Variants in EPB41L4B observed in about 807,000 individuals in gnomAD.
The protein encoded by EPB41L4B is band 4.1-like protein 4B.
Under a neutral mutation model 112.5 loss-of-function variants are expected in EPB41L4B, and 30 were observed. That is an observed-to-expected ratio of 0.27 (90% CI 0.20 to 0.36). The LOEUF (loss-of-function observed/expected upper bound fraction) is 0.36, where lower values mean the gene tolerates loss of function less well. EPB41L4B is among the 10% of genes least tolerant of loss of function. EPB41L4B has a pLI of 1.00. For synonymous variants in EPB41L4B, 408 were observed against 439.7 expected (o/e 0.93, Z 0.90); for missense variants, 1,024 against 1,133.3 (o/e 0.90, Z 1.38).
At chr9:109,178,385 C>T (rs10979732) in intron 24 of EPB41L4B, among the ~76,000 whole-genome samples, 48,365 of 143,388 alleles carry the variant, frequency 0.34, 7,984 homozygotes, top group East Asian at 0.49. Flanking sequence ...GCAGTATCTT[C>T]TTTTTTTTTT....
chr9:109,201,580 C>T (rs1316407984), intron 19 of EPB41L4B, among the ~76,000 whole-genome samples: 1 of 152,108 alleles, frequency 6.6e-6, no homozygotes, highest in Admixed American at 6.5e-5. Flanking sequence ...GGAACATGGT[C>T]CCTGAAGAAC....
intron 2 of EPB41L4B, among the ~76,000 whole-genome samples, chr9:109,276,316 G>A (rs1000611002): frequency 1.3e-5 from 2 of 151,620 alleles, no homozygotes; most frequent in East Asian, 1.9e-4. Flanking sequence ...GGTGAGGGGG[G>A]GGTCATCTGA....
chr9:109,246,854 T>C (rs1041176062), intron 14 of EPB41L4B, among the ~76,000 whole-genome samples: 1 of 152,240 alleles, frequency 6.6e-6, no homozygotes, highest in Non-Finnish European at 1.5e-5. Flanking sequence ...GCAATGGGCC[T>C]AGCACATCAC....
At chr9:109,319,714 A>G (rs4978793) in intron 1 of EPB41L4B, among the ~76,000 whole-genome samples, 87,966 of 152,108 alleles carry the variant, frequency 0.58, 27,303 homozygotes, top group African/African-American at 0.81. Context: ...TGGACACCCC[A>G]GGACGGCCTC....
At chr9:109,281,579 T>C (rs1393882935) in intron 1 of EPB41L4B, among the ~76,000 whole-genome samples, 1 of 152,092 alleles carries the variant, frequency 6.6e-6, no homozygotes, top group African/African-American at 2.4e-5. Flanking sequence ...GATGGGCACC[T>C]GTAATCCCGC....
chr9:109,255,721 A>C, intron 10 of EPB41L4B, 41 bp from the exon 11 acceptor site: 1 of 1,610,252 alleles, frequency 6.2e-7, no homozygotes, highest in Non-Finnish European at 8.5e-7. Flanking sequence ...GGCGTTTGCA[A>C]CCCCAACACA....
At chr9:109,223,955 G>T (rs192570343) in intron 15 of EPB41L4B, among the ~76,000 whole-genome samples, 4 of 152,176 alleles carry the variant, frequency 2.6e-5, no homozygotes, top group East Asian at 1.9e-4. Flanking sequence ...GGAAGTGAAG[G>T]TTGCAGTGAG....
intron 15 of EPB41L4B, among the ~76,000 whole-genome samples, chr9:109,219,528 T>G (rs2118848570): frequency 6.6e-6 from 1 of 152,280 alleles, no homozygotes; most frequent in South Asian, 2.1e-4. Context: ...TCCTGGCTAT[T>G]GGTTTGTATT....
At chr9:109,251,710 T>G (rs1834794697) in intron 12 of EPB41L4B, among the ~76,000 whole-genome samples, 199 bp from the exon 13 acceptor site, 1 of 152,094 alleles carries the variant, frequency 6.6e-6, no homozygotes, top group Admixed American at 6.5e-5. Context: ...TCAGCAACCA[T>G]CCACTCAGCA....
At chr9:109,186,735 G>A (rs369509941) in intron 22 of EPB41L4B, among the ~76,000 whole-genome samples, 17 of 152,188 alleles carry the variant, frequency 1.1e-4, no homozygotes, top group East Asian at 5.8e-4. Flanking sequence ...CCACCTCCTC[G>A]GCCTCCCAAA....
At chr9:109,236,577 G>A (rs941944693) in intron 15 of EPB41L4B, among the ~76,000 whole-genome samples, 4 of 152,160 alleles carry the variant, frequency 2.6e-5, no homozygotes, top group African/African-American at 9.7e-5. Context: ...GCAGGATCTT[G>A]GGTCTTACCA....
chr9:109,248,582 G>A (rs1415297486), intron 13 of EPB41L4B, among the ~76,000 whole-genome samples: 1 of 152,114 alleles, frequency 6.6e-6, no homozygotes, highest in Non-Finnish European at 1.5e-5. Flanking sequence ...AAGGCTCAGG[G>A]CTCCTCATCA....
intron 17 of EPB41L4B, among the ~76,000 whole-genome samples, chr9:109,209,294 T>A (rs558005432): frequency 2.0e-5 from 3 of 152,146 alleles, no homozygotes; most frequent in South Asian, 4.2e-4. Flanking sequence ...AACTTTCCAA[T>A]TTTATGTAAT....
At chr9:109,307,862 G>A (rs982947722) in intron 1 of EPB41L4B, among the ~76,000 whole-genome samples, 6 of 152,104 alleles carry the variant, frequency 3.9e-5, no homozygotes, top group East Asian at 1.9e-4. Context: ...AAAGAGGCTC[G>A]CTGGATGTCG....
At chr9:109,251,106 C>A (rs1384757922) in intron 13 of EPB41L4B, among the ~76,000 whole-genome samples, 1 of 152,228 alleles carries the variant, frequency 6.6e-6, no homozygotes, top group Non-Finnish European at 1.5e-5. Context: ...CGTCACTGAG[C>A]AAATCTAGCA....
At chr9:109,240,773 G>A in intron 15 of EPB41L4B, 1 of 985,418 alleles carries the variant, frequency 1.0e-6, no homozygotes, top group South Asian at 4.7e-5. Context: ...TTTTAAGAGT[G>A]AAGTCTAGGG....
intron 18 of EPB41L4B, among the ~76,000 whole-genome samples, chr9:109,204,214 C>T (rs1364109550): frequency 6.6e-6 from 1 of 152,210 alleles, no homozygotes; most frequent in African/African-American, 2.4e-5. Flanking sequence ...CCTTGTCCTC[C>T]TCCCTCTGAT....
chr9:109,226,619 TATATATATATGAAGA>T (rs1350439716), intron 15 of EPB41L4B, among the ~76,000 whole-genome samples: 14 of 105,748 alleles, frequency 1.3e-4, no homozygotes, highest in African/African-American at 5.1e-4. Flanking sequence ...TATATATATA[TATATATATATGAAGA>T]ATATATATAT....
chr9:109,242,353 G>GACAGC (rs1652451419), intron 15 of EPB41L4B, among the ~76,000 whole-genome samples: 2 of 152,346 alleles, frequency 1.3e-5, no homozygotes, highest in East Asian at 3.9e-4. Context: ...CCACCCCAGA[G>GACAGC]AGGCACTGTT....
Sources: allele counts gnomAD v4.1 joint callset (sites outside exome capture counted in the v4.1 genomes callset), GRCh38; gene constraint gnomAD v4.1.1; transcripts MANE v1.5; gene names NCBI Gene and HGNC (gene_info 2026-07-23, HGNC 2026-07-21).